The following APBB2 variants were observed in gnomAD, a reference collection of about 807,000 sequenced individuals.
APBB2 encodes the protein Fe65-like 1.
Under a neutral mutation model 82.5 loss-of-function variants are expected in APBB2, and 38 were observed. The observed-to-expected ratio is 0.46, with a 90% confidence interval of 0.36 to 0.60. The LOEUF (loss-of-function observed/expected upper bound fraction) is 0.60. Ranked by LOEUF, APBB2 falls within the 20% of genes least tolerant of loss-of-function variation. APBB2 has a pLI of 0.00. For synonymous variants in APBB2, 341 were observed against 368.2 expected (o/e 0.93, Z 0.85); for missense variants, 772 against 972.3 (o/e 0.79, Z 2.74).
At chr4:41,136,127 C>T (rs1210567514) in intron 2 of APBB2, among the ~76,000 whole-genome samples, 1 of 152,164 alleles carries the variant, frequency 6.6e-6, no homozygotes, top group Non-Finnish European at 1.5e-5. Flanking sequence ...CATTTTGAAT[C>T]CCAACTTCAG....
At chr4:41,213,708 G>A (rs1001292865) in intron 1 of APBB2, among the ~76,000 whole-genome samples, 41 of 152,302 alleles carry the variant, frequency 2.7e-4, no homozygotes, top group Non-Finnish European at 4.7e-4. Context: ...GGTGGGCAGC[G>A]CAGGGGCTTT....
chr4:41,196,764 A>G, intron 1 of APBB2, among the ~76,000 whole-genome samples: 4 of 152,170 alleles, frequency 2.6e-5, no homozygotes, highest in African/African-American at 9.7e-5. Context: ...TCATGATCAA[A>G]GAAAACCACA....
At chr4:41,047,892 G>A (rs1476688443) in intron 4 of APBB2, among the ~76,000 whole-genome samples, 1 of 152,178 alleles carries the variant, frequency 6.6e-6, no homozygotes, top group Non-Finnish European at 1.5e-5. Context: ...CAGCAACACA[G>A]AGCTTACCTT....
intron 3 of APBB2, among the ~76,000 whole-genome samples, chr4:41,096,938 C>T (rs1035489198): frequency 8.5e-5 from 13 of 152,314 alleles, no homozygotes; most frequent in African/African-American, 3.1e-4. Flanking sequence ...ACAATAGTTG[C>T]TCAACAAATG....
intron 3 of APBB2, among the ~76,000 whole-genome samples, chr4:41,099,375 T>C (rs1424699643): frequency 6.6e-6 from 1 of 152,134 alleles, no homozygotes; most frequent in Non-Finnish European, 1.5e-5. Context: ...ATTACAGGCA[T>C]GCACCACCAT....
At chr4:40,932,367 G>C (rs985579993) in intron 10 of APBB2, among the ~76,000 whole-genome samples, 2 of 152,226 alleles carry the variant, frequency 1.3e-5, no homozygotes, top group Non-Finnish European at 2.9e-5. Context: ...ACTGGCTCTA[G>C]AGTGGCCATG....
At chr4:40,992,361 T>TG (rs3058175) in intron 6 of APBB2, among the ~76,000 whole-genome samples, 47,141 of 139,074 alleles carry the variant, frequency 0.34, 8,316 homozygotes, top group Middle Eastern at 0.4. Flanking sequence ...TTGGTAGAGA[T>TG]GGGGGGGGGT....
intron 13 of APBB2, 43 bp from the exon 14 acceptor site, chr4:40,827,262 C>G (rs752415693): frequency 6.4e-7 from 1 of 1,553,912 alleles, no homozygotes. Context: ...GGTTCAAGCC[C>G]CCATGTCTTC....
chr4:40,987,969 G>A (rs1579021333), intron 6 of APBB2, among the ~76,000 whole-genome samples: 1 of 152,122 alleles, frequency 6.6e-6, no homozygotes, highest in African/African-American at 2.4e-5. Context: ...AAACATTAGT[G>A]TTCACCAGAT....
intron 6 of APBB2, among the ~76,000 whole-genome samples, chr4:40,981,422 C>T (rs1352394525): frequency 6.6e-6 from 1 of 151,976 alleles, no homozygotes; most frequent in Non-Finnish European, 1.5e-5. Flanking sequence ...TAATTCGAAT[C>T]CAGAATGATG....
At chr4:40,945,174 A>G (rs1788048381) in intron 6 of APBB2, 101 bp from the exon 7 acceptor site, 2 of 804,198 alleles carry the variant, frequency 2.5e-6, no homozygotes, top group Admixed American at 4.1e-5. Flanking sequence ...ACGTGTCCAT[A>G]GTCCAAATGA....
chr4:41,089,679 C>G (rs1212854665), intron 3 of APBB2, among the ~76,000 whole-genome samples: 3 of 152,148 alleles, frequency 2.0e-5, no homozygotes, highest in Non-Finnish European at 2.9e-5. Context: ...CACAGATAGC[C>G]AGTGGAAGAG....
intron 1 of APBB2, among the ~76,000 whole-genome samples, chr4:41,201,208 A>G (rs553324569): frequency 6.6e-6 from 1 of 152,206 alleles, no homozygotes; most frequent in African/African-American, 2.4e-5. Context: ...CGCTGATCAA[A>G]TCAAACCCAG....
chr4:40,859,823 C>T (rs1762331121), intron 12 of APBB2, among the ~76,000 whole-genome samples: 1 of 152,106 alleles, frequency 6.6e-6, no homozygotes, highest in Non-Finnish European at 1.5e-5. Flanking sequence ...TCTTCCAGTT[C>T]CTGGAACACG....
chr4:40,870,952 T>C (rs1765349001), intron 12 of APBB2, among the ~76,000 whole-genome samples: 2 of 151,986 alleles, frequency 1.3e-5, no homozygotes, highest in Admixed American at 1.3e-4. Context: ...CTACCCGCCT[T>C]GGCCTCCCAA....
intron 1 of APBB2, among the ~76,000 whole-genome samples, chr4:41,166,446 C>T (rs907968791): frequency 1.3e-5 from 2 of 151,796 alleles, no homozygotes; most frequent in Non-Finnish European, 2.9e-5. Flanking sequence ...GGCATAGTGG[C>T]ATGTACCTGT....
chr4:41,194,665 AAAAAT>A, intron 1 of APBB2, among the ~76,000 whole-genome samples: 2 of 152,062 alleles, frequency 1.3e-5, no homozygotes, highest in African/African-American at 2.4e-5. Flanking sequence ...CCTTGCCTCA[AAAAAT>A]AAAATAAAAT....
intron 7 of APBB2, among the ~76,000 whole-genome samples, chr4:40,942,602 C>A (rs566636696): frequency 3.3e-5 from 5 of 152,172 alleles, no homozygotes; most frequent in African/African-American, 1.2e-4. Context: ...CTGAAAACCA[C>A]AACAGATTTT....
At chr4:40,934,310 C>T (rs1270320212) in intron 10 of APBB2, 146 bp downstream of exon 10, 1 of 766,944 alleles carries the variant, frequency 1.3e-6, no homozygotes, top group Non-Finnish European at 2.1e-6. Flanking sequence ...CTTCAAGTGT[C>T]AGGGAGATTA....
Sources: gnomAD v4.1 joint callset for allele counts (sites outside exome capture counted in the v4.1 genomes callset) on GRCh38, gnomAD v4.1.1 for gene constraint, MANE v1.5 for transcripts, NCBI Gene and HGNC (gene_info 2026-07-23, HGNC 2026-07-21) for gene names.